The following BOK variants were observed in gnomAD, a reference collection of about 807,000 sequenced individuals.
BOK encodes bcl-2-related ovarian killer protein.
Under a neutral mutation model 18.3 loss-of-function variants are expected in BOK, and 20 were observed. The observed-to-expected ratio is 1.09, with a 90% CI of 0.77 to 1.59. The LOEUF is 1.59. BOK is among the 40% of genes most tolerant of loss of function. The pLI is 0.00. For synonymous variants in BOK, 173 were observed against 142.4 expected, an observed-to-expected ratio of 1.21 and a Z score of -1.53; for missense variants, 348 against 307.9, an observed-to-expected ratio of 1.13 and a Z score of -0.97.
At position 241,562,494 on chromosome 2, in the gene BOK, G is replaced by A. The variant is rs373309921; in HGVS notation, c.349+18G>A. 32 of 1,598,026 alleles carry A rather than the reference G, an allele frequency of 2.0e-5. No homozygotes were observed. In the Admixed American group the frequency reaches 3.9e-4, roughly 20 times the overall value. On this transcript the variant is annotated intron_variant, in intron 3 of 4. Transcript: ENST00000318407. The surrounding 1 kb of genome is among the most constrained non-coding windows in gnomAD (Gnocchi z 4.5). The stretch of plus-strand genomic sequence containing the variant: ...CTCTGCAGGTATGCCCAGCCTGCCC[G>A]TCCCATGGGACCTCAGGGAGGGATC...
upstream of BOK, among the ~76,000 whole-genome samples, chr2:241,558,052 G>GAAACACACACACACACACACACACACAC (rs61316533): frequency 7.4e-6 from 1 of 135,740 alleles, no homozygotes; most frequent in Non-Finnish European, 1.6e-5. Context: ...ATAGAGTTCC[G>GAAACACACACACACACACACACACACAC]AGACACACAC....
At chr2:241,560,333 GGCC>G in intron 2 of BOK, 1 of 962,032 alleles carries the variant, frequency 1.0e-6, no homozygotes, top group South Asian at 4.8e-5. Context: ...GCTGGGCTGT[GGCC>G]GTCACCTGGG....
intron 1 of BOK, among the ~76,000 whole-genome samples, chr2:241,552,812 T>C (rs1024610580): frequency 2.6e-5 from 4 of 152,194 alleles, no homozygotes; most frequent in South Asian, 4.1e-4. Flanking sequence ...GAAGAAGCCA[T>C]GGCTCCGTGG....
intron 3 of BOK, among the ~76,000 whole-genome samples, chr2:241,568,202 G>T (rs1271053075): frequency 4.6e-5 from 7 of 152,034 alleles, no homozygotes; most frequent in Admixed American, 4.6e-4. Flanking sequence ...CTCACTGCAA[G>T]CTCCGCCTCC....
At chr2:241,556,597 A>G (rs574529652), upstream of BOK, among the ~76,000 whole-genome samples, 351 of 151,838 alleles carry the variant, frequency 2.3e-3, 3 homozygotes, top group Non-Finnish European at 3.1e-3. Context: ...AAAAAAAAAA[A>G]AAAAAGAATT....
rs540882103 is a variant in BOK at position 241,562,569 on chromosome 2, C to T, written c.349+93C>T. 1,554 of 1,454,298 alleles carry T rather than the reference C, an allele frequency of 1.1e-3. 9 individuals are homozygous for T. Among genetic ancestry groups the T allele is most frequent in the Middle Eastern group, 8.9e-3 (41 of 4,586 alleles). The allele number at this position is 1,454,298 out of a possible 1,614,324, so 90.1% of individuals were successfully genotyped here. Reference sequence around the variant, plus strand: ...GGGACCCCACGAGCTGGCCCCCACCCATCCTGGCGCTGCCCAGTGCCCACC... The same window carrying T: ...GGGACCCCACGAGCTGGCCCCCACCTATCCTGGCGCTGCCCAGTGCCCACC... On this transcript the variant is annotated intron_variant, in intron 3 of 4. Coordinates refer to ENST00000318407, the MANE Select transcript of BOK (RefSeq NM_032515.5). The surrounding 1 kb of genome is among the most constrained non-coding windows in gnomAD (Gnocchi z 4.5).
chr2:241,552,383 C>T (rs2066420295), intron 1 of BOK, among the ~76,000 whole-genome samples: 1 of 152,232 alleles, frequency 6.6e-6, no homozygotes, highest in Admixed American at 6.5e-5. Flanking sequence ...TGTTCGGCCC[C>T]ACCCAGTCCC....
intron 3 of BOK, among the ~76,000 whole-genome samples, chr2:241,564,705 G>A (rs968463401): frequency 2.8e-4 from 43 of 152,174 alleles, no homozygotes; most frequent in Non-Finnish European, 4.4e-4. Flanking sequence ...GTGGGGCCCC[G>A]GAAGGAAGCC....
intron 3 of BOK, among the ~76,000 whole-genome samples, chr2:241,563,846 G>A (rs2066568851): frequency 6.6e-6 from 1 of 152,200 alleles, no homozygotes; most frequent in South Asian, 2.1e-4. Context: ...ATGGCCTCGG[G>A]ACCTCCACCC....
intron 3 of BOK, among the ~76,000 whole-genome samples, chr2:241,566,304 T>TTC (rs1313809684): frequency 1.3e-5 from 2 of 148,480 alleles, no homozygotes; most frequent in Non-Finnish European, 3.0e-5. Context: ...TCTTTTTTCT[T>TTC]TTTTTTTTTT....
intron 3 of BOK, among the ~76,000 whole-genome samples, chr2:241,567,836 TCAG>T (rs2066639509): frequency 7.2e-6 from 1 of 139,638 alleles, no homozygotes; most frequent in African/African-American, 2.8e-5. Context: ...AGTGTGCAAT[TCAG>T]CAGCATCTGC....
upstream of BOK, among the ~76,000 whole-genome samples, chr2:241,556,943 A>G (rs1248716823): frequency 1.3e-5 from 2 of 152,128 alleles, no homozygotes; most frequent in African/African-American, 4.8e-5. Context: ...CAGATTTTCT[A>G]TTTCTTTTAG....
chr2:241,556,540 G>GT (rs2066451579), upstream of BOK, among the ~76,000 whole-genome samples: 1 of 124,762 alleles, frequency 8.0e-6, no homozygotes, highest in Non-Finnish European at 1.5e-5. Context: ...CCGAGTTTAC[G>GT]CCATTGCACT....
At chr2:241,565,646 G>A (rs1455283839) in intron 3 of BOK, among the ~76,000 whole-genome samples, 1 of 152,192 alleles carries the variant, frequency 6.6e-6, no homozygotes, top group Admixed American at 6.5e-5. Context: ...CTCCACTGCA[G>A]GCAAGCTGCA....
intron 2 of BOK, chr2:241,560,196 T>C: frequency 1.0e-6 from 1 of 985,430 alleles, no homozygotes; most frequent in Non-Finnish European, 1.2e-6. Context: ...GTTGGTGCTG[T>C]GAGGACATCT....
rs556101632 is a variant in BOK at position 241,553,122 on chromosome 2, G to A, written n.54+1645G>A. Among the ~76,000 whole-genome samples, 147 of 146,352 alleles carry A rather than the reference G, an allele frequency of 1.0e-3. 1 individual carries two copies. Among genetic ancestry groups the A allele is most frequent in the South Asian group, 3.5e-3 (16 of 4,518 alleles). On this transcript the variant is annotated intron_variant and non_coding_transcript_variant, in intron 1 of 1. Coordinates refer to the BOK transcript ENST00000641230. Reference sequence around the variant, plus strand: ...GCCCAGTCCCACCCACCCCCGGCATGGCATCCCCAGTGTACCTGAGACTGG... The same window carrying A: ...GCCCAGTCCCACCCACCCCCGGCATAGCATCCCCAGTGTACCTGAGACTGG...
intron 3 of BOK, among the ~76,000 whole-genome samples, chr2:241,568,043 T>C (rs2066643184): frequency 1.4e-5 from 2 of 145,784 alleles, no homozygotes; most frequent in Admixed American, 1.4e-4. Flanking sequence ...TGTGGCTTTT[T>C]ATGCCTGGCA....
chr2:241,573,215 C>CCCGGAACACCTGCTCTCACCTGAGCCCCA lies in BOK; in HGVS notation c.*793_*794insCCGGAACACCTGCTCTCACCTGAGCCCCA, dbSNP rs2066752376. The CCCGGAACACCTGCTCTCACCTGAGCCCCA allele has an allele frequency of 1.2e-4, 5 of 43,272 alleles. No individual in the cohort carries two copies. The highest frequency in any genetic ancestry group is 2.3e-4 in the African/African-American group (2 of 8,628). The allele number at this position is 43,272 out of a possible 1,614,324, so 2.7% of individuals were successfully genotyped here. On this transcript the variant is annotated 3_prime_UTR_variant, in exon 5 of 5. Transcript: ENST00000318407. ...GAACACCTGCTCTCACCTGAGCCCC[C>CCCGGAACACCTGCTCTCACCTGAGCCCCA]GGTGAAGGGGCCCGGAACACTTGCT... is the stretch of plus-strand genomic sequence containing the variant.
At chr2:241,557,635 G>A (rs1018818348), upstream of BOK, among the ~76,000 whole-genome samples, 2 of 152,056 alleles carry the variant, frequency 1.3e-5, no homozygotes, top group Admixed American at 1.3e-4. Context: ...TTCTTCTAAA[G>A]CTATCAAATT....
Sources: allele counts gnomAD v4.1 joint callset (sites outside exome capture counted in the v4.1 genomes callset), GRCh38; gene constraint gnomAD v4.1.1; non-coding constraint Gnocchi (gnomAD v3.1); transcripts MANE v1.5; gene names NCBI Gene and HGNC (gene_info 2026-07-23, HGNC 2026-07-21).